The following SELE variants were observed in gnomAD, a reference collection of about 807,000 sequenced individuals.
SELE encodes the protein selectin E, also known as E-selectin.
SELE carries 52 observed loss-of-function variants against 75.8 expected under a neutral mutation model. The observed-to-expected ratio is 0.69, with a 90% CI of 0.55 to 0.86. The LOEUF (loss-of-function observed/expected upper bound fraction) is 0.86. Among genes scored for constraint, SELE ranks in the 40% least tolerant of loss-of-function variants. SELE has a pLI of 0.00. For missense variants in SELE, 754 were observed against 732.7 expected (o/e 1.03, Z -0.34); for synonymous variants, 285 against 258.7 (o/e 1.10, Z -0.98).
At chr1:169,728,398 T>C (rs1315703673) in intron 7 of SELE, 152 bp from the exon 8 acceptor site, 2 of 728,668 alleles carry the variant, frequency 2.7e-6, no homozygotes, top group African/African-American at 3.6e-5. Context: ...CTGTGTTTTC[T>C]TTGAATTTCA....
intron 5 of SELE, 79 bp downstream of exon 5, chr1:169,730,353 A>G: frequency 2.3e-6 from 3 of 1,297,038 alleles, no homozygotes; most frequent in Non-Finnish European, 3.1e-6. Flanking sequence ...TGAAGTTTTG[A>G]AAATGTAAGT....
chr1:169,725,718 AC>A lies in SELE; in HGVS notation c.*15+10del, dbSNP rs1648722080. On this transcript the variant is annotated intron_variant, in intron 13 of 13. Coordinates refer to ENST00000333360, the MANE Select transcript of SELE (RefSeq NM_000450.2). ...CCTCTCTCATAACCATTTGTGATTT[AC>A]AAGTCTTACCTGATTCTTTTGAACT... The A allele has an allele frequency of 4.4e-6, 7 of 1,607,274 alleles. No individual in the cohort carries two copies. Among genetic ancestry groups the A allele is most frequent in the Non-Finnish European group, 6.0e-6 (7 of 1,173,988 alleles).
intron 11 of SELE, among the ~76,000 whole-genome samples, 155 bp downstream of exon 11, chr1:169,726,541 GTAC>G (rs1316469475): frequency 6.6e-6 from 1 of 152,150 alleles, no homozygotes; most frequent in Admixed American, 6.5e-5. Context: ...ACACTGAGTT[GTAC>G]TACTAACTCT....
chr1:169,725,852 A>C (rs752409610), intron 12 of SELE, 51 bp from the exon 13 acceptor site: 1 of 1,613,902 alleles, frequency 6.2e-7, no homozygotes, highest in Admixed American at 1.7e-5. Flanking sequence ...CAACATGAAG[A>C]GAGAAAAATA....
intron 12 of SELE, 52 bp downstream of exon 12, chr1:169,725,855 G>A: frequency 6.2e-7 from 1 of 1,613,846 alleles, no homozygotes; most frequent in Non-Finnish European, 8.5e-7. Context: ...CATGAAGAGA[G>A]AAAAATATGT....
chr1:169,727,893 C>T lies in SELE; in HGVS notation c.1314G>A (p.Lys438=), dbSNP rs147467969. ...VRCDAVHQPP[K]GLVRCAHSPI... is the part of the protein sequence containing the mutation. The stretch of plus-strand genomic sequence containing the variant: ...GGGAATGAGCACACCTCACCAAACC[C>T]TTCGGGGGCTGGTGGACAGCATCGC... The change falls in exon 9 of 14, where the codon AAG becomes AAA. Residue 438 remains lysine, a synonymous_variant. Coordinates refer to ENST00000333360, the MANE Select transcript of SELE (RefSeq NM_000450.2). 1.5e-4 allele frequency: 241 copies of T among 1,614,092 alleles called. 1 individual carries two copies. In the African/African-American group the frequency reaches 2.9e-3, roughly 20 times the overall value.
At chr1:169,729,821 A>G (rs1238256787) in intron 5 of SELE, 148 bp from the exon 6 acceptor site, 3 of 654,730 alleles carry the variant, frequency 4.6e-6, no homozygotes, top group Non-Finnish European at 7.7e-6. Context: ...GCACAGCCAG[A>G]ATAAAAGCTT....
At position 169,729,167 on chromosome 1, in the gene SELE, C is replaced by A. The variant is rs370756911; in HGVS notation, c.1090+19G>T. On this transcript the variant is annotated intron_variant, in intron 7 of 13. Coordinates refer to ENST00000333360, the MANE Select transcript of SELE (RefSeq NM_000450.2). Reference sequence around the variant, plus strand: ...GGTTGTTCTTTAAGAAAGTATAAATCGAAGGATCTCAAGCTTACCTTCACA... The same window carrying A: ...GGTTGTTCTTTAAGAAAGTATAAATAGAAGGATCTCAAGCTTACCTTCACA... 40 of 1,565,598 alleles carry A rather than the reference C, an allele frequency of 2.6e-5. No individual in the cohort carries two copies. The highest frequency in any genetic ancestry group is 3.5e-5 in the Non-Finnish European group (40 of 1,153,384).
intron 13 of SELE, 81 bp downstream of exon 13, chr1:169,725,648 C>A: frequency 8.5e-7 from 1 of 1,179,752 alleles, no homozygotes. Flanking sequence ...AAGATATTGG[C>A]AAGTTTGGAG....
intron 10 of SELE, 75 bp from the exon 11 acceptor site, chr1:169,726,881 C>T: frequency 9.8e-7 from 1 of 1,018,634 alleles, no homozygotes; most frequent in South Asian, 1.4e-5. Flanking sequence ...TCCCTTTGGC[C>T]TTTTTTCTGT....
intron 4 of SELE, among the ~76,000 whole-genome samples, chr1:169,731,105 G>A (rs1026100620): frequency 3.1e-5 from 3 of 95,710 alleles, no homozygotes; most frequent in African/African-American, 1.1e-4. Context: ...CTATCTGTGT[G>A]GCTACTCAAA....
At chr1:169,724,748 A>G (rs1648704347) in intron 13 of SELE, among the ~76,000 whole-genome samples, 1 of 152,206 alleles carries the variant, frequency 6.6e-6, no homozygotes, top group Non-Finnish European at 1.5e-5. Context: ...ATGAATAATA[A>G]TGTATCAATA....
chr1:169,729,777 G>A, intron 5 of SELE, 104 bp from the exon 6 acceptor site: 1 of 1,045,632 alleles, frequency 9.6e-7, no homozygotes, highest in Non-Finnish European at 1.4e-6. Flanking sequence ...TCAAAGGGTA[G>A]ATCCCAAAGT....
rs1285405165 is a variant in SELE, at chr1:169,725,774, T to C, written c.1803A>G (p.Gly601=). The part of the protein sequence containing the change: ...ASSCQSLESD[G]SYQKPSYIL ...GGATGTAAGAAGGCTTTTGGTAGCT[T>C]CCATCTGATTCAAGGCTTTGGCAGC... Residue 601 remains glycine, a synonymous_variant, in exon 13 of 14, where the codon GGA becomes GGG. Coordinates refer to ENST00000333360, the MANE Select transcript of SELE (RefSeq NM_000450.2). 2 of 1,614,058 alleles carry C rather than the reference T, an allele frequency of 1.2e-6. No homozygotes were observed. Among genetic ancestry groups the C allele is most frequent in the African/African-American group, 2.7e-5 (2 of 75,042 alleles).
Position 169,732,625 on chromosome 1 carries a change from T to C in SELE, c.411A>G (p.Leu137=), listed in dbSNP as rs766745729. The C allele has an allele frequency of 1.6e-5, 25 of 1,596,848 alleles. No homozygotes were observed. The highest frequency in any genetic ancestry group is 1.2e-4 in the Admixed American group (7 of 57,848). The part of the protein sequence containing the change: ...DERCSKKKLA[L]CYTAACTNTS... ...CCGCAAACTCCCTACCTGTGTAGCA[T>C]AGGGCAAGCTTCTTCTTGCTGCACC... Residue 137 remains leucine (L), a synonymous_variant, in exon 3 of 14, where the codon CTA becomes CTG. Coordinates refer to ENST00000333360, the MANE Select transcript of SELE (RefSeq NM_000450.2).
In SELE at chr1:169,732,912, G is replaced by A; in HGVS notation, c.124C>T (p.Gln42Ter). Reference sequence around the variant, plus strand: ...ATTGCAACCAGGTGTGTGTACCTTTGCTGACAATAAGCACTGGCCTCATCA... The same window carrying A: ...ATTGCAACCAGGTGTGTGTACCTTTACTGACAATAAGCACTGGCCTCATCA... ...TYDEASAYCQ[Q>*]RYTHLVAIQN... The change falls in exon 3 of 14, where the codon CAA becomes TAA. Residue 42 changes from glutamine (Q) to a stop codon, truncating the protein, a stop_gained. Transcript: ENST00000333360. LOFTEE classifies it high-confidence loss of function. 6.2e-7 allele frequency: 1 copy of A among 1,614,072 alleles called. No homozygotes were observed. The highest frequency in any genetic ancestry group is 8.5e-7 in the Non-Finnish European group (1 of 1,180,008).
chr1:169,729,111 G>GT (rs892899663), intron 7 of SELE, 75 bp downstream of exon 7: 17,605 of 1,176,394 alleles, frequency 0.015, no homozygotes, highest in South Asian at 0.02. Context: ...GTGGGTATTG[G>GT]TTTTTTTTTT....
At chr1:169,733,502 C>A in intron 2 of SELE, 74 bp downstream of exon 2, 1 of 1,449,696 alleles carries the variant, frequency 6.9e-7, no homozygotes, top group Non-Finnish European at 9.7e-7. Flanking sequence ...CAGCCCCAGA[C>A]AAGCAAGGAT....
chr1:169,729,783 A>G, intron 5 of SELE, 110 bp from the exon 6 acceptor site: 2 of 903,098 alleles, frequency 2.2e-6, no homozygotes, highest in Non-Finnish European at 1.7e-6. Flanking sequence ...GGTAGATCCC[A>G]AAGTCCTATG....
Sources: allele counts gnomAD v4.1 joint callset (sites outside exome capture counted in the v4.1 genomes callset), GRCh38; gene constraint gnomAD v4.1.1; transcripts MANE v1.5; gene names NCBI Gene and HGNC (gene_info 2026-07-23, HGNC 2026-07-21).